Variants in XRCC5 observed in about 807,000 individuals in gnomAD.
XRCC5 encodes DNA repair protein Ku80.
Under a neutral mutation model 95.7 loss-of-function variants are expected in XRCC5, and 12 were observed. The ratio of observed to expected loss-of-function variants is 0.13; its 90% confidence interval spans 0.08 to 0.20. XRCC5 has a LOEUF of 0.20. Among genes scored for constraint, XRCC5 ranks in the 10% least tolerant of loss-of-function variants. The pLI is 1.00. For missense variants in XRCC5, 595 were observed against 873.9 expected (o/e 0.68, Z 4.02); for synonymous variants, 281 against 290.3 (o/e 0.97, Z 0.33).
intron 14 of XRCC5, among the ~76,000 whole-genome samples, chr2:216,154,165 G>A (rs1377751708): frequency 6.6e-6 from 1 of 152,194 alleles, no homozygotes; most frequent in African/African-American, 2.4e-5. Context: ...CCCCTTAAAA[G>A]CAGTTGAAAT....
At chr2:216,159,785 T>TA (rs1688914955) in intron 14 of XRCC5, among the ~76,000 whole-genome samples, 1 of 152,176 alleles carries the variant, frequency 6.6e-6, no homozygotes, top group Non-Finnish European at 1.5e-5. Context: ...CCAAGGACCT[T>TA]ATGATGTGAT....
intron 19 of XRCC5, among the ~76,000 whole-genome samples, chr2:216,201,177 C>T (rs1383520340): frequency 6.6e-6 from 1 of 152,276 alleles, no homozygotes; most frequent in South Asian, 2.1e-4. Context: ...GCAGGATTTC[C>T]CTCTTGCACC....
At chr2:216,149,315 C>T (rs191365445) in intron 14 of XRCC5, among the ~76,000 whole-genome samples, 20 of 152,202 alleles carry the variant, frequency 1.3e-4, no homozygotes, top group African/African-American at 4.8e-4. Flanking sequence ...AAATCATGTA[C>T]TTGGTTCCGC....
At chr2:216,134,416 CT>C (rs969378685) in intron 10 of XRCC5, among the ~76,000 whole-genome samples, 1 of 145,318 alleles carries the variant, frequency 6.9e-6, no homozygotes, top group Non-Finnish European at 1.5e-5. Flanking sequence ...ATCCTTCCTT[CT>C]TGTTTTTTTT....
At chr2:216,141,858 G>T (rs1697177966) in intron 13 of XRCC5, among the ~76,000 whole-genome samples, 1 of 152,002 alleles carries the variant, frequency 6.6e-6, no homozygotes, top group South Asian at 2.1e-4. Flanking sequence ...TTCAAGACCA[G>T]CCTGGCTAAC....
In XRCC5 at chr2:216,109,368, C is replaced by T. The variant is rs747621442; in HGVS notation, c.-69C>T. On this transcript the variant is annotated 5_prime_UTR_variant, in exon 1 of 21. Coordinates refer to ENST00000392132, the MANE Select transcript of XRCC5 (RefSeq NM_021141.4). The stretch of plus-strand genomic sequence containing the variant: ...TTTCCGCTATCTGCCGCTTGTCCAC[C>T]GGAAGCGAGTTGCGACACGGCAGGT... The T allele has an allele frequency of 6.2e-6, 10 of 1,610,968 alleles. No individual in the cohort carries two copies. The African/African-American group carries it at 8.0e-5, about 13-fold the overall frequency.
At position 216,110,890 on chromosome 2, in the gene XRCC5, G is replaced by T. The variant is rs553681860; in HGVS notation, c.21+1433G>T. 1.7e-3 allele frequency among the ~76,000 whole-genome samples: 251 copies of T among 148,150 alleles called. 1 individual carries two copies. Among genetic ancestry groups the T allele is most frequent in the African/African-American group, 5.7e-3 (233 of 40,658 alleles). On this transcript the variant is annotated intron_variant, in intron 1 of 20. Coordinates refer to ENST00000392132, the MANE Select transcript of XRCC5 (RefSeq NM_021141.4). ...AAGGAATTTTGTGGTTTATTAGCAC[G>T]TTTTTTTTTTCAAATAATCTAATTT...
chr2:216,162,217 A>T (rs963992122), intron 16 of XRCC5, among the ~76,000 whole-genome samples, 169 bp downstream of exon 16: 2 of 152,256 alleles, frequency 1.3e-5, no homozygotes, highest in Non-Finnish European at 2.9e-5. Context: ...CATTATGAGC[A>T]CATGAAAGTG....
intron 13 of XRCC5, among the ~76,000 whole-genome samples, chr2:216,141,540 CTTTTTTTTTTTT>C (rs71401137): frequency 9.2e-5 from 6 of 65,006 alleles, no homozygotes; most frequent in African/African-American, 3.7e-4. Flanking sequence ...TCTTTCTTTT[CTTTTTTTTTTTT>C]TTTTTTTTTT....
intron 19 of XRCC5, among the ~76,000 whole-genome samples, chr2:216,200,055 G>A (rs1193127781): frequency 6.6e-6 from 1 of 152,030 alleles, no homozygotes; most frequent in African/African-American, 2.4e-5. Context: ...CAACACCCCT[G>A]TCTAGAGAGG....
chr2:216,160,265 A>T, intron 15 of XRCC5, 104 bp downstream of exon 15: 1 of 687,850 alleles, frequency 1.5e-6, no homozygotes, highest in East Asian at 3.0e-5. Flanking sequence ...TTTCAAGTTA[A>T]GATCATGATC....
chr2:216,125,641 G>C (rs887974809), intron 6 of XRCC5, among the ~76,000 whole-genome samples: 3 of 152,138 alleles, frequency 2.0e-5, no homozygotes, highest in African/African-American at 7.2e-5. Context: ...AGAACCTCTG[G>C]CAGAGTTGAA....
At chr2:216,172,260 T>G (rs1278171576) in intron 16 of XRCC5, among the ~76,000 whole-genome samples, 1 of 152,082 alleles carries the variant, frequency 6.6e-6, no homozygotes, top group Non-Finnish European at 1.5e-5. Context: ...AGCAATGCAG[T>G]GGAGTGTCTG....
At chr2:216,114,933 G>A (rs1353394537) in intron 2 of XRCC5, among the ~76,000 whole-genome samples, 1 of 152,122 alleles carries the variant, frequency 6.6e-6, no homozygotes. Context: ...CGCATGCGTT[G>A]ATTAATTCGG....
intron 12 of XRCC5, among the ~76,000 whole-genome samples, chr2:216,139,752 C>T (rs968019): frequency 0.041 from 6,225 of 152,276 alleles, 390 homozygotes; most frequent in African/African-American, 0.14. Context: ...AAACAATCCT[C>T]ACATCTCAGC....
Position 216,190,299 on chromosome 2 carries a change from G to C in XRCC5, c.1909G>C (p.Asp637His). 1 of 1,613,952 alleles carries C rather than the reference G, an allele frequency of 6.2e-7. No homozygotes were observed. The highest frequency in any genetic ancestry group is 8.5e-7 in the Non-Finnish European group (1 of 1,179,890). The stretch of plus-strand genomic sequence containing the variant: ...AACACCGTATTTTATGAAGAGCATA[G>C]ACTGCATCCGAGCCTTCCGGGAAGA... ...NETPYFMKSIDCIRAFREEAI... is the reference protein window; with the variant it reads ...NETPYFMKSIHCIRAFREEAI... Residue 637 changes from aspartate to histidine, a missense_variant, in exon 17 of 21, where the codon GAC (aspartate) becomes CAC (histidine). This residue lies in a region of XRCC5 where 309 missense variants were observed against 382.9 expected (regional missense o/e 0.81). Coordinates refer to ENST00000392132, the MANE Select transcript of XRCC5 (RefSeq NM_021141.4).
chr2:216,174,897 G>T, intron 16 of XRCC5: 2 of 331,212 alleles, frequency 6.0e-6, no homozygotes, highest in Admixed American at 3.4e-5. Context: ...GCTGTTTTTA[G>T]AACCTTCTGC....
At chr2:216,151,683 T>G (rs1004948531) in intron 14 of XRCC5, among the ~76,000 whole-genome samples, 7 of 152,196 alleles carry the variant, frequency 4.6e-5, no homozygotes, top group African/African-American at 1.7e-4. Context: ...CACTCTTGTA[T>G]CCCTAGGACC....
chr2:216,158,094 C>A (rs1417361307), intron 14 of XRCC5, among the ~76,000 whole-genome samples: 2 of 152,148 alleles, frequency 1.3e-5, no homozygotes, highest in East Asian at 1.9e-4. Context: ...ACCCTTCTTT[C>A]CCTAGAACCT....
Sources: allele counts gnomAD v4.1 joint callset (sites outside exome capture counted in the v4.1 genomes callset), GRCh38; gene constraint gnomAD v4.1.1; regional missense constraint gnomAD v4.1.1; transcripts MANE v1.5; gene names NCBI Gene and HGNC (gene_info 2026-07-23, HGNC 2026-07-21).